Variants in SGMS1 observed in about 807,000 individuals in gnomAD.
SGMS1 encodes the protein sphingomyelin synthase 1.
SGMS1 carries 13 observed loss-of-function variants against 46.2 expected under a neutral mutation model. That is an observed-to-expected ratio of 0.28 (90% CI 0.18 to 0.45). The LOEUF (loss-of-function observed/expected upper bound fraction) is 0.45, where lower values mean the gene tolerates loss of function less well. Ranked by LOEUF, SGMS1 falls within the 20% of genes least tolerant of loss-of-function variation. SGMS1 has a pLI of 1.00. For synonymous variants in SGMS1, 203 were observed against 187.8 expected (o/e 1.08, Z -0.66); for missense variants, 324 against 519.9 (o/e 0.62, Z 3.66).
intron 3 of SGMS1, among the ~76,000 whole-genome samples, chr10:50,485,836 G>A (rs923628961): frequency 6.6e-6 from 1 of 152,124 alleles, no homozygotes; most frequent in Non-Finnish European, 1.5e-5. Flanking sequence ...GGAGGCAAAG[G>A]TTGCAATGAG....
At chr10:50,449,556 C>T (rs1192174549) in intron 5 of SGMS1, among the ~76,000 whole-genome samples, 3 of 152,186 alleles carry the variant, frequency 2.0e-5, no homozygotes, top group African/African-American at 4.8e-5. Context: ...ACAGCAGGCT[C>T]ACCCCTCCAC....
At chr10:50,402,287 G>A (rs534368207) in intron 6 of SGMS1, among the ~76,000 whole-genome samples, 3 of 152,302 alleles carry the variant, frequency 2.0e-5, no homozygotes, top group African/African-American at 7.2e-5. Flanking sequence ...AGAAGTCAAA[G>A]CTTAGCATTA....
At chr10:50,321,365 T>C (rs1465225263) in intron 8 of SGMS1, among the ~76,000 whole-genome samples, 1 of 152,212 alleles carries the variant, frequency 6.6e-6, no homozygotes. Context: ...AATATATCTT[T>C]AAAGAATGTA....
intron 3 of SGMS1, among the ~76,000 whole-genome samples, chr10:50,484,055 A>G (rs1204306203): frequency 1.3e-5 from 2 of 152,188 alleles, no homozygotes; most frequent in Non-Finnish European, 2.9e-5. Flanking sequence ...AGCAGAACTG[A>G]AGGAGATAGA....
upstream of SGMS1, chr10:50,624,950 C>T (rs1255747193): frequency 4.9e-6 from 5 of 1,024,296 alleles, no homozygotes; most frequent in African/African-American, 3.5e-5. Flanking sequence ...TCCGGGCAGC[C>T]ATCTTCCGCC....
At chr10:50,571,609 G>A (rs990689246) in intron 2 of SGMS1, among the ~76,000 whole-genome samples, 2 of 152,058 alleles carry the variant, frequency 1.3e-5, no homozygotes, top group Non-Finnish European at 2.9e-5. Context: ...CATCTGCTGT[G>A]TATTTAACGC....
At chr10:50,486,755 T>A (rs1207869789) in intron 3 of SGMS1, among the ~76,000 whole-genome samples, 1 of 152,222 alleles carries the variant, frequency 6.6e-6, no homozygotes, top group African/African-American at 2.4e-5. Flanking sequence ...ATGTGGTGAT[T>A]CCTCAAAGAT....
intron 1 of SGMS1, among the ~76,000 whole-genome samples, chr10:50,618,318 C>A (rs1051720952): frequency 6.6e-6 from 1 of 152,146 alleles, no homozygotes; most frequent in African/African-American, 2.4e-5. Context: ...ATCTTATACT[C>A]TTAAAGTGCA....
chr10:50,580,156 A>C (rs1407212939), intron 2 of SGMS1, among the ~76,000 whole-genome samples: 1 of 152,180 alleles, frequency 6.6e-6, no homozygotes, highest in Non-Finnish European at 1.5e-5. Flanking sequence ...TCCTGTTTAC[A>C]CACTGTAAAC....
At position 50,562,818 on chromosome 10, in the gene SGMS1, A is replaced by G. The variant is rs1838253263; in HGVS notation, c.-589+27335T>C. On this transcript the variant is annotated intron_variant, in intron 2 of 10. Coordinates refer to ENST00000361781, the MANE Select transcript of SGMS1 (RefSeq NM_147156.4). ...CTTGGCCTCCCAAAGTGCTGGGTTTACAAGCGTGAGCCACCGCGCCCGGCC... is the reference window on the plus strand; with the variant it reads ...CTTGGCCTCCCAAAGTGCTGGGTTTGCAAGCGTGAGCCACCGCGCCCGGCC... Among the ~76,000 whole-genome samples, 4 of 152,084 alleles carry G rather than the reference A, an allele frequency of 2.6e-5. No homozygotes were observed. In the South Asian group the frequency reaches 8.3e-4, roughly 31 times the overall value.
intron 3 of SGMS1, among the ~76,000 whole-genome samples, chr10:50,478,326 C>T (rs955639567): frequency 2.1e-4 from 32 of 152,138 alleles, no homozygotes; most frequent in Admixed American, 6.5e-5. Flanking sequence ...ATATAATGGC[C>T]TTATCCTTAG....
chr10:50,319,326 T>C (rs1847403156), intron 8 of SGMS1, among the ~76,000 whole-genome samples: 1 of 152,186 alleles, frequency 6.6e-6, no homozygotes, highest in Non-Finnish European at 1.5e-5. Flanking sequence ...CTGGGTCCCT[T>C]GGGAAGAAGT....
chr10:50,467,957 G>A (rs1837345360), intron 3 of SGMS1, among the ~76,000 whole-genome samples: 1 of 152,174 alleles, frequency 6.6e-6, no homozygotes, highest in Non-Finnish European at 1.5e-5. Context: ...GGGCCTTCCT[G>A]TTGTCCAGGA....
chr10:50,418,800 G>T (rs1380359587), intron 6 of SGMS1, among the ~76,000 whole-genome samples: 1 of 152,198 alleles, frequency 6.6e-6, no homozygotes, highest in African/African-American at 2.4e-5. Context: ...ACACTGTGTG[G>T]CCTTGAGTAA....
At chr10:50,426,059 G>A (rs1338120004) in intron 6 of SGMS1, among the ~76,000 whole-genome samples, 1 of 152,142 alleles carries the variant, frequency 6.6e-6, no homozygotes, top group Non-Finnish European at 1.5e-5. Context: ...ATAAAATGGA[G>A]TGGTATGTAT....
intron 5 of SGMS1, among the ~76,000 whole-genome samples, chr10:50,445,770 G>A (rs1008852124): frequency 6.6e-6 from 1 of 152,200 alleles, no homozygotes; most frequent in South Asian, 2.1e-4. Flanking sequence ...TAACAGCGAT[G>A]TTCAGGGAAC....
chr10:50,414,143 TCA>T (rs1182952918), intron 6 of SGMS1, among the ~76,000 whole-genome samples: 4 of 152,212 alleles, frequency 2.6e-5, no homozygotes, highest in African/African-American at 9.7e-5. Context: ...TTCACACCTG[TCA>T]TCCCAGCACT....
intron 6 of SGMS1, among the ~76,000 whole-genome samples, chr10:50,384,371 TTCTC>T (rs1016949343): frequency 4.0e-5 from 6 of 151,086 alleles, no homozygotes; most frequent in African/African-American, 1.2e-4. Context: ...CTTACTTTCT[TTCTC>T]TCTTTCTTTT....
chr10:50,623,996 T>A (rs1838885324), upstream of SGMS1: 2 of 985,152 alleles, frequency 2.0e-6, no homozygotes, highest in Non-Finnish European at 1.2e-6. Context: ...CGGCCCGGCT[T>A]CCCGCGCGAC....
Sources: gnomAD v4.1 joint callset for allele counts (sites outside exome capture counted in the v4.1 genomes callset) on GRCh38, gnomAD v4.1.1 for gene constraint, MANE v1.5 for transcripts, NCBI Gene and HGNC (gene_info 2026-07-23, HGNC 2026-07-21) for gene names.